LRP1B: variants seen among roughly 807,000 people sequenced by gnomAD.
LRP1B encodes LDL receptor related protein 1B.
LRP1B carries 217 observed loss-of-function variants against 556.6 expected under a neutral mutation model. That is an observed-to-expected ratio of 0.39 (90% CI 0.35 to 0.44). LRP1B has a LOEUF of 0.44. Among genes scored for constraint, LRP1B ranks in the 20% least tolerant of loss-of-function variants. The pLI, the probability that LRP1B is intolerant of heterozygous loss-of-function variation, is 1.00. For synonymous variants in LRP1B, 2,047 were observed against 1,865.8 expected, an observed-to-expected ratio of 1.10 and a Z score of -2.50; for missense variants, 5,053 against 5,620.8, an observed-to-expected ratio of 0.90 and a Z score of 3.23.
At chr2:140,281,648 T>C (rs1682916586) in intron 84 of LRP1B, among the ~76,000 whole-genome samples, 1 of 151,894 alleles carries the variant, frequency 6.6e-6, no homozygotes. Context: ...ATTCATCATT[T>C]AAGTATGCAT....
intron 63 of LRP1B, among the ~76,000 whole-genome samples, 172 bp downstream of exon 63, chr2:140,450,396 C>A (rs1359659342): frequency 6.6e-6 from 1 of 152,054 alleles, no homozygotes; most frequent in Admixed American, 6.6e-5. Context: ...GGGAGATAAC[C>A]AAGGTATTAC....
At chr2:142,067,511 T>C (rs909367341) in intron 1 of LRP1B, among the ~76,000 whole-genome samples, 1 of 151,612 alleles carries the variant, frequency 6.6e-6, no homozygotes, top group Non-Finnish European at 1.5e-5. Flanking sequence ...AAAAATATGC[T>C]GTGATTCAAT....
chr2:141,932,075 T>C (rs899092520), intron 1 of LRP1B, among the ~76,000 whole-genome samples: 1 of 151,900 alleles, frequency 6.6e-6, no homozygotes, highest in African/African-American at 2.4e-5. Context: ...TAAGGGGTAA[T>C]GAGAAAAGAT....
At position 140,291,314 on chromosome 2, in the gene LRP1B, A is replaced by ATTTTTTT. The variant is rs1370713902; in HGVS notation, c.12967+6493_12967+6494insAAAAAAA. Among the ~76,000 whole-genome samples, 201 of 65,106 alleles carry ATTTTTTT rather than the reference A, an allele frequency of 3.1e-3. 2 individuals are homozygous for ATTTTTTT. The highest frequency in any genetic ancestry group is 0.011 in the African/African-American group (195 of 18,196). 42.7% of individuals were successfully genotyped at this position (65,106 alleles called of 152,430 possible). A position where few individuals can be genotyped will look rare whatever the true frequency, so the allele number is the denominator to read the frequency against. Reference sequence around the variant, plus strand: ...AATTTTATTTTATATATATATATATATATATTTTTATTATACTTTAAGTTC... The same window carrying ATTTTTTT: ...AATTTTATTTTATATATATATATATATTTTTTTTATATTTTTATTATACTTTAAGTTC... On this transcript the variant is annotated intron_variant, in intron 84 of 90. Coordinates refer to ENST00000389484, the MANE Select transcript of LRP1B (RefSeq NM_018557.3).
chr2:141,179,328 G>T (rs2105167047), intron 7 of LRP1B, among the ~76,000 whole-genome samples: 1 of 151,978 alleles, frequency 6.6e-6, no homozygotes, highest in South Asian at 2.1e-4. Context: ...ACTTTCAGAA[G>T]GCAGGAATAT....
At chr2:140,772,975 T>C (rs765220040) in intron 33 of LRP1B, among the ~76,000 whole-genome samples, 3 of 151,972 alleles carry the variant, frequency 2.0e-5, no homozygotes, top group Non-Finnish European at 4.4e-5. Context: ...TGGCTACACC[T>C]GTAATACCAA....
intron 2 of LRP1B, among the ~76,000 whole-genome samples, chr2:141,792,578 G>A (rs180814704): frequency 2.8e-4 from 42 of 152,096 alleles, no homozygotes; most frequent in South Asian, 2.1e-4. Flanking sequence ...GACTGAGTTA[G>A]CTACTTTCCT....
intron 66 of LRP1B, among the ~76,000 whole-genome samples, chr2:140,387,600 G>A (rs1488033938): frequency 6.6e-6 from 1 of 151,302 alleles, no homozygotes; most frequent in Non-Finnish European, 1.5e-5. Context: ...AGTATTGCCT[G>A]AATTTCCCTT....
intron 1 of LRP1B, among the ~76,000 whole-genome samples, chr2:141,873,041 GGTGA>G (rs1428671864): frequency 2.0e-5 from 3 of 151,990 alleles, no homozygotes; most frequent in Non-Finnish European, 2.9e-5. Flanking sequence ...AATGAATAAT[GGTGA>G]GTGTTTATTG....
At chr2:140,560,285 G>A (rs1245352029) in intron 43 of LRP1B, among the ~76,000 whole-genome samples, 1 of 152,122 alleles carries the variant, frequency 6.6e-6, no homozygotes, top group Non-Finnish European at 1.5e-5. Flanking sequence ...GTCATCAAAT[G>A]TAATGTGTGA....
chr2:140,823,193 G>A (rs1400941486), intron 31 of LRP1B, among the ~76,000 whole-genome samples: 1 of 151,952 alleles, frequency 6.6e-6, no homozygotes, highest in Non-Finnish European at 1.5e-5. Flanking sequence ...TTTTTACCAG[G>A]CAGAATATAG....
intron 2 of LRP1B, among the ~76,000 whole-genome samples, chr2:141,763,053 G>T (rs1694614324): frequency 6.6e-6 from 1 of 152,162 alleles, no homozygotes; most frequent in Admixed American, 6.5e-5. Context: ...ATGTATATTT[G>T]TAGCCCTTTC....
At chr2:140,303,472 T>A (rs1385951208) in intron 83 of LRP1B, among the ~76,000 whole-genome samples, 1 of 151,714 alleles carries the variant, frequency 6.6e-6, no homozygotes, top group Non-Finnish European at 1.5e-5. Context: ...TGGTCTCGAA[T>A]TCCTGACATT....
At chr2:141,654,759 C>A (rs966038390) in intron 2 of LRP1B, among the ~76,000 whole-genome samples, 4 of 152,072 alleles carry the variant, frequency 2.6e-5, no homozygotes, top group African/African-American at 9.7e-5. Flanking sequence ...TTCTAAGATG[C>A]ACATGTACAA....
At chr2:140,862,954 G>T (rs1392666414) in intron 27 of LRP1B, among the ~76,000 whole-genome samples, 1 of 152,138 alleles carries the variant, frequency 6.6e-6, no homozygotes, top group Non-Finnish European at 1.5e-5. Flanking sequence ...TGGTTCCTGG[G>T]CCTGTGAACT....
At chr2:141,600,280 C>T (rs376026006) in intron 2 of LRP1B, among the ~76,000 whole-genome samples, 1 of 152,154 alleles carries the variant, frequency 6.6e-6, no homozygotes, top group East Asian at 1.9e-4. Flanking sequence ...CCTCTCCAGA[C>T]CAATCATGCC....
intron 41 of LRP1B, among the ~76,000 whole-genome samples, chr2:140,669,475 GAAAC>G: frequency 6.6e-6 from 1 of 152,172 alleles, no homozygotes; most frequent in Non-Finnish European, 1.5e-5. Flanking sequence ...AAAAGGGAAA[GAAAC>G]AGAAGTATCC....
chr2:140,604,129 A>G (rs1417951334), intron 41 of LRP1B, among the ~76,000 whole-genome samples: 3 of 152,080 alleles, frequency 2.0e-5, no homozygotes, highest in African/African-American at 7.2e-5. Flanking sequence ...GTAAATCAAT[A>G]CAGGGCTAAA....
chr2:141,805,748 A>G (rs1035784852), intron 2 of LRP1B: 3 of 152,150 alleles, frequency 2.0e-5, no homozygotes, highest in Non-Finnish European at 4.4e-5. Flanking sequence ...AAGGTTTTCA[A>G]AACAAACTGA....
Sources: gnomAD v4.1 joint callset for allele counts (sites outside exome capture counted in the v4.1 genomes callset) on GRCh38, gnomAD v4.1.1 for gene constraint, MANE v1.5 for transcripts, NCBI Gene and HGNC (gene_info 2026-07-23, HGNC 2026-07-21) for gene names.